EPM2A: variants seen among roughly 807,000 people sequenced by gnomAD.
The protein encoded by EPM2A is EPM2A glucan phosphatase, laforin.
EPM2A carries 21 observed loss-of-function variants against 26.5 expected under a neutral mutation model. The ratio of observed to expected loss-of-function variants is 0.79; its 90% CI spans 0.56 to 1.14. EPM2A has a LOEUF of 1.14. Ranked by LOEUF, EPM2A falls within the 50% of genes most tolerant of loss-of-function variation. The probability of loss-of-function intolerance (pLI) is 0.00; values close to 1 mark genes in which losing one functional copy is unlikely to be tolerated. For missense variants in EPM2A, 458 were observed against 440.8 expected (o/e 1.04, Z -0.35); for synonymous variants, 217 against 177.6 (o/e 1.22, Z -1.76).
chr6:145,514,693 C>G, intron 2 of EPM2A, among the ~76,000 whole-genome samples: 1 of 152,110 alleles, frequency 6.6e-6, no homozygotes, highest in Non-Finnish European at 1.5e-5. Flanking sequence ...AGACATTTTT[C>G]ATTCTCATAA....
intron 2 of EPM2A, chr6:145,670,238 T>C (rs1205664574): frequency 2.0e-5 from 3 of 152,210 alleles, no homozygotes; most frequent in Non-Finnish European, 2.9e-5. Flanking sequence ...CTCTGATCTC[T>C]TTTGTAGTAA....
intron 4 of EPM2A, among the ~76,000 whole-genome samples, chr6:145,452,943 C>T (rs1485243827): frequency 6.6e-6 from 1 of 152,166 alleles, no homozygotes; most frequent in Non-Finnish European, 1.5e-5. Flanking sequence ...CATTCTTTCT[C>T]TCTTAATTGC....
At chr6:145,579,478 C>T (rs549435600) in intron 2 of EPM2A, among the ~76,000 whole-genome samples, 10 of 152,226 alleles carry the variant, frequency 6.6e-5, no homozygotes, top group African/African-American at 2.4e-4. Context: ...TGCTTTGAAG[C>T]CTATGGTATC....
intron 4 of EPM2A, among the ~76,000 whole-genome samples, chr6:145,469,887 G>A (rs1011621807): frequency 3.3e-5 from 5 of 152,136 alleles, no homozygotes; most frequent in Admixed American, 2.0e-4. Flanking sequence ...GATGGAACTT[G>A]AGATCATTAT....
At chr6:145,664,917 G>A (rs1334790789) in intron 2 of EPM2A, among the ~76,000 whole-genome samples, 1 of 146,830 alleles carries the variant, frequency 6.8e-6, no homozygotes, top group African/African-American at 2.5e-5. Flanking sequence ...ATGACTACTG[G>A]GTACATAACG....
intron 2 of EPM2A, among the ~76,000 whole-genome samples, chr6:145,571,276 GT>G (rs1034063997): frequency 3.9e-4 from 60 of 152,250 alleles, no homozygotes; most frequent in African/African-American, 1.4e-3. Context: ...CGTAGTTGAT[GT>G]TTTAATTATG....
intron 2 of EPM2A, among the ~76,000 whole-genome samples, chr6:145,571,622 A>G (rs1271169022): frequency 1.3e-5 from 2 of 152,182 alleles, no homozygotes; most frequent in African/African-American, 4.8e-5. Context: ...TAGCTGGCTG[A>G]TTACCTAAGC....
rs150452237 is a variant in EPM2A, at chr6:145,686,222, T to C, written c.376A>G (p.Ile126Val). 821 of 1,613,832 alleles carry C rather than the reference T, an allele frequency of 5.1e-4. 8 individuals carry two copies. The highest frequency in any genetic ancestry group is 3.0e-3 in the Middle Eastern group (18 of 6,060). Residue 126 changes from isoleucine to valine, a missense_variant, in exon 2 of 4, where the codon ATA becomes GTA. By Grantham distance (29) the Ile-to-Val change is conservative (BLOSUM62 3). Coordinates refer to ENST00000367519, the MANE Select transcript of EPM2A (RefSeq NM_005670.4). ...CCAGTGGCCTCAATCCAGTGTCCTA[T>C]TGGGAGACAATACACACCATCCACC... ...NLVDGVYCLP[I>V]GHWIEATGHT...
chr6:145,635,034 AAT>A, intron 3 of EPM2A: 1 of 537,494 alleles, frequency 1.9e-6, no homozygotes, highest in African/African-American at 1.9e-5. Flanking sequence ...ATACACAATA[AAT>A]ATGTGTTGAA....
chr6:145,531,288 A>G (rs1780352308), intron 2 of EPM2A, among the ~76,000 whole-genome samples: 1 of 152,154 alleles, frequency 6.6e-6, no homozygotes, highest in African/African-American at 2.4e-5. Flanking sequence ...TAATGTGTGC[A>G]GAATAAATGT....
intron 2 of EPM2A, among the ~76,000 whole-genome samples, chr6:145,589,093 C>T (rs184606719): frequency 2.6e-5 from 4 of 152,260 alleles, no homozygotes; most frequent in Admixed American, 2.6e-4. Flanking sequence ...TCGTCTATGA[C>T]AGGAACAAAG....
At chr6:145,482,400 A>T (rs974715019) in intron 4 of EPM2A, among the ~76,000 whole-genome samples, 7 of 152,160 alleles carry the variant, frequency 4.6e-5, no homozygotes, top group Admixed American at 2.0e-4. Context: ...ATGATTTTTT[A>T]AATGGAGCTC....
chr6:145,570,596 T>C (rs1436257899), intron 2 of EPM2A, among the ~76,000 whole-genome samples: 1 of 152,232 alleles, frequency 6.6e-6, no homozygotes, highest in Non-Finnish European at 1.5e-5. Flanking sequence ...CATGTGGTTG[T>C]AGCTGGTATT....
chr6:145,581,086 C>A (rs766189722), intron 2 of EPM2A, among the ~76,000 whole-genome samples: 1 of 151,978 alleles, frequency 6.6e-6, no homozygotes. Context: ...ATTTAAGTAA[C>A]CACCAAGCTG....
At chr6:145,507,350 C>G (rs1779990544) in intron 2 of EPM2A, among the ~76,000 whole-genome samples, 1 of 152,200 alleles carries the variant, frequency 6.6e-6, no homozygotes. Context: ...AAGGACACCT[C>G]ATATTCTGGG....
intron 1 of EPM2A, chr6:145,721,424 G>C (rs74461216): frequency 0.02 from 3,108 of 152,246 alleles, 41 homozygotes; most frequent in Non-Finnish European, 0.029. Context: ...ATTGGTGATG[G>C]TGTTGGAAAA....
intron 2 of EPM2A, among the ~76,000 whole-genome samples, chr6:145,556,249 G>A (rs182652353): frequency 1.6e-3 from 241 of 152,264 alleles, no homozygotes; most frequent in Middle Eastern, 6.8e-3. Flanking sequence ...CAGCTGACAA[G>A]TTAGAGAACA....
intron 4 of EPM2A, among the ~76,000 whole-genome samples, chr6:145,411,425 GC>G (rs1778641764): frequency 6.6e-6 from 1 of 152,094 alleles, no homozygotes; most frequent in South Asian, 2.1e-4. Context: ...TATACATTGA[GC>G]TGAGCCATAA....
At chr6:145,716,731 C>T (rs2128635378) in intron 1 of EPM2A, among the ~76,000 whole-genome samples, 1 of 152,196 alleles carries the variant, frequency 6.6e-6, no homozygotes, top group South Asian at 2.1e-4. Flanking sequence ...AGCCCCACCA[C>T]AAAAAGCTTA....
Sources: allele counts gnomAD v4.1 joint callset (sites outside exome capture counted in the v4.1 genomes callset), GRCh38; gene constraint gnomAD v4.1.1; transcripts MANE v1.5; gene names NCBI Gene and HGNC (gene_info 2026-07-23, HGNC 2026-07-21).